The following TSGA10 variants were observed in gnomAD, a reference collection of about 807,000 sequenced individuals.
TSGA10 encodes the protein testis specific 10.
In TSGA10, 43 loss-of-function variants were observed where a neutral mutation model predicts 96.6. The observed-to-expected ratio is 0.44, with a 90% confidence interval of 0.35 to 0.57. The LOEUF (loss-of-function observed/expected upper bound fraction) is 0.57. Among genes scored for constraint, TSGA10 ranks in the 20% least tolerant of loss-of-function variants. The pLI, the probability that TSGA10 is intolerant of heterozygous loss-of-function variation, is 0.01. For synonymous variants in TSGA10, 229 were observed against 269.9 expected, an observed-to-expected ratio of 0.85 and a Z score of 1.48; for missense variants, 703 against 834.4, an observed-to-expected ratio of 0.84 and a Z score of 1.94.
At chr2:99,004,776 TC>T (rs1360077378) in intron 20 of TSGA10, among the ~76,000 whole-genome samples, 42 of 152,302 alleles carry the variant, frequency 2.8e-4, no homozygotes, top group African/African-American at 9.9e-4. Flanking sequence ...GAGGGAATCC[TC>T]CCTAACTCAT....
chr2:99,134,970 C>T lies in TSGA10; in HGVS notation c.-620-7794G>A, dbSNP rs555939702. On this transcript the variant is annotated intron_variant, in intron 1 of 20. Coordinates refer to ENST00000393483, the MANE Select transcript of TSGA10 (RefSeq NM_025244.4). ...TGCCTGTTTCTTCCTCTGAAAGCTTCGTCCCAGAGGGGCACCCACCAGATG... is the reference window on the plus strand; with the variant it reads ...TGCCTGTTTCTTCCTCTGAAAGCTTTGTCCCAGAGGGGCACCCACCAGATG... Among the ~76,000 whole-genome samples the T allele has an allele frequency of 1.6e-4, 25 of 152,288 alleles. No individual in the cohort carries two copies. The East Asian group carries it at 4.1e-3, about 25-fold the overall frequency.
At position 99,100,817 on chromosome 2, in the gene TSGA10, C is replaced by CT. The variant is rs1229384084; in HGVS notation, c.611+3149dup. Among the ~76,000 whole-genome samples, 18 of 67,978 alleles carry CT rather than the reference C, an allele frequency of 2.6e-4. No homozygotes were observed. The East Asian group carries it at 0.013, about 50-fold the overall frequency. The allele number at this position is 67,978 out of a possible 152,430, so 44.6% of individuals were successfully genotyped here. ...CCTGGGCAACAGAGCGAGACTCCGTCTCAAAAAAAAAAAAAAAAAAATACA... is the reference window on the plus strand; with the variant it reads ...CCTGGGCAACAGAGCGAGACTCCGTCTTCAAAAAAAAAAAAAAAAAAATACA... On this transcript the variant is annotated intron_variant, in intron 10 of 20. Coordinates refer to ENST00000393483, the MANE Select transcript of TSGA10 (RefSeq NM_025244.4).
At chr2:99,045,216 C>A (rs1228608842) in intron 16 of TSGA10, among the ~76,000 whole-genome samples, 3 of 151,712 alleles carry the variant, frequency 2.0e-5, no homozygotes, top group Non-Finnish European at 2.9e-5. Flanking sequence ...CACAAAAAAC[C>A]CTTCAAAAAA....
chr2:99,085,368 G>C (rs191058342), intron 10 of TSGA10, among the ~76,000 whole-genome samples: 1 of 152,120 alleles, frequency 6.6e-6, no homozygotes, highest in Admixed American at 6.5e-5. Flanking sequence ...ACTTTGGGAG[G>C]CCAATGTGGG....
intron 18 of TSGA10, 103 bp downstream of exon 18, chr2:99,020,177 C>A (rs1311997237): frequency 1.1e-6 from 1 of 938,198 alleles, no homozygotes; most frequent in Non-Finnish European, 1.6e-6. Context: ...GATCCTTAGG[C>A]AAAGTATAGA....
intron 1 of TSGA10, among the ~76,000 whole-genome samples, chr2:99,152,868 A>G (rs377686350): frequency 6.6e-6 from 1 of 152,102 alleles, no homozygotes; most frequent in East Asian, 1.9e-4. Flanking sequence ...GTTCAGGAGC[A>G]TGGCTTTTAG....
intron 16 of TSGA10, among the ~76,000 whole-genome samples, chr2:99,037,818 G>C (rs7570657): frequency 0.43 from 65,906 of 151,772 alleles, 16,970 homozygotes; most frequent in African/African-American, 0.72. Context: ...CCATTGCACT[G>C]CCCCTGGTCA....
At chr2:99,016,695 G>C (rs1453859711) in intron 20 of TSGA10, among the ~76,000 whole-genome samples, 1 of 152,180 alleles carries the variant, frequency 6.6e-6, no homozygotes, top group Non-Finnish European at 1.5e-5. Flanking sequence ...ATAATCAGCA[G>C]AGTAAACAGA....
chr2:99,136,334 T>C (rs1248503445), intron 1 of TSGA10, among the ~76,000 whole-genome samples: 3 of 152,190 alleles, frequency 2.0e-5, no homozygotes, highest in Non-Finnish European at 2.9e-5. Flanking sequence ...ACCAGAAATA[T>C]GTTTCTGGGG....
chr2:99,133,140 T>C (rs958720514), intron 1 of TSGA10, among the ~76,000 whole-genome samples: 1 of 152,200 alleles, frequency 6.6e-6, no homozygotes, highest in African/African-American at 2.4e-5. Flanking sequence ...GTCCTGAATA[T>C]CCTTGTTAAT....
intron 20 of TSGA10, among the ~76,000 whole-genome samples, chr2:99,013,487 C>A (rs1052953687): frequency 6.6e-6 from 1 of 151,544 alleles, no homozygotes; most frequent in Non-Finnish European, 1.5e-5. Context: ...TGCCTGCCAC[C>A]ACGCCCGGCT....
chr2:99,141,172 G>T, intron 1 of TSGA10: 4 of 1,253,260 alleles, frequency 3.2e-6, no homozygotes, highest in Non-Finnish European at 1.0e-6. Flanking sequence ...CCTCAGCGGG[G>T]GATACAAGAA....
At chr2:99,147,162 T>G (rs1299385009) in intron 1 of TSGA10, 2 of 301,898 alleles carry the variant, frequency 6.6e-6, no homozygotes, top group African/African-American at 2.2e-5. Flanking sequence ...TATCTTTTTG[T>G]TTTTTTTAAT....
chr2:99,070,011 T>C (rs2085743695), intron 14 of TSGA10, among the ~76,000 whole-genome samples: 1 of 152,156 alleles, frequency 6.6e-6, no homozygotes, highest in South Asian at 2.1e-4. Context: ...TCTCGTCTTC[T>C]GCAATACTGG....
intron 20 of TSGA10, among the ~76,000 whole-genome samples, chr2:99,002,677 A>C (rs575294423): frequency 6.6e-6 from 1 of 152,330 alleles, no homozygotes; most frequent in Admixed American, 6.5e-5. Context: ...TCCAATTAAA[A>C]GACACAGACT....
chr2:99,014,288 T>C (rs1573468814), intron 20 of TSGA10, among the ~76,000 whole-genome samples: 1 of 152,132 alleles, frequency 6.6e-6, no homozygotes, highest in African/African-American at 2.4e-5. Flanking sequence ...TGAGCCGAGA[T>C]CATGCCACTG....
At chr2:99,014,036 T>A (rs2104899570) in intron 20 of TSGA10, among the ~76,000 whole-genome samples, 1 of 152,264 alleles carries the variant, frequency 6.6e-6, no homozygotes, top group East Asian at 1.9e-4. Flanking sequence ...ACGTCTGTAA[T>A]CTCAGCTACT....
chr2:98,999,993 C>T (rs1016977341), intron 20 of TSGA10, among the ~76,000 whole-genome samples: 4 of 152,302 alleles, frequency 2.6e-5, no homozygotes, highest in African/African-American at 7.2e-5. Flanking sequence ...TAGGCTCAAG[C>T]GATCTGTCTG....
chr2:99,143,900 A>AT (rs1392123919), intron 1 of TSGA10, among the ~76,000 whole-genome samples: 4 of 151,970 alleles, frequency 2.6e-5, no homozygotes, highest in Non-Finnish European at 4.4e-5. Flanking sequence ...TGTTATTACT[A>AT]TTTTTTGTTT....
Sources: gnomAD v4.1 joint callset for allele counts (sites outside exome capture counted in the v4.1 genomes callset) on GRCh38, gnomAD v4.1.1 for gene constraint, MANE v1.5 for transcripts, NCBI Gene and HGNC (gene_info 2026-07-23, HGNC 2026-07-21) for gene names.